Variants in BABAM2 observed in about 807,000 individuals in gnomAD.
BABAM2 encodes the protein BRISC and BRCA1 A complex member 2, also known as BRISC and BRCA1-A complex member 2.
In BABAM2, 31 loss-of-function variants were observed where a neutral mutation model predicts 54.7. The ratio of observed to expected loss-of-function variants is 0.57; its 90% CI spans 0.43 to 0.77. BABAM2 has a LOEUF of 0.77. Ranked by LOEUF, BABAM2 falls within the 30% of genes least tolerant of loss-of-function variation. BABAM2 has a pLI of 0.00. For missense variants in BABAM2, 364 were observed against 455.8 expected (o/e 0.80, Z 1.83); for synonymous variants, 167 against 162.9 (o/e 1.03, Z -0.19).
intron 10 of BABAM2, among the ~76,000 whole-genome samples, chr2:28,286,549 C>A (rs1440501066): frequency 6.6e-6 from 1 of 152,176 alleles, no homozygotes; most frequent in African/African-American, 2.4e-5. Flanking sequence ...TCTACGGTGA[C>A]TGCTTAATAC....
intron 6 of BABAM2, among the ~76,000 whole-genome samples, chr2:28,121,761 T>C (rs1558357252): frequency 6.6e-6 from 1 of 152,158 alleles, no homozygotes; most frequent in African/African-American, 2.4e-5. Context: ...TGAATGGTAG[T>C]ACCCTAAGAG....
chr2:28,026,894 A>ATT (rs1385298707), intron 5 of BABAM2, among the ~76,000 whole-genome samples: 2 of 24,460 alleles, frequency 8.2e-5, no homozygotes, highest in African/African-American at 1.3e-4. Flanking sequence ...ATAGATATAT[A>ATT]TAAATATATA....
intron 7 of BABAM2, among the ~76,000 whole-genome samples, chr2:28,153,530 C>T (rs1317070389): frequency 1.3e-5 from 2 of 152,172 alleles, no homozygotes; most frequent in East Asian, 1.9e-4. Context: ...ATACATTACA[C>T]TTGGTATTGC....
In BABAM2 at chr2:28,009,470, C is replaced by T. The variant is rs1439025414; in HGVS notation, c.301-15756C>T. On this transcript the variant is annotated intron_variant, in intron 4 of 11. Transcript: ENST00000379624. ...ATAAAAAGAAACCTAGTCTGTTTGA[C>T]GATGAGTTGATGGCAGTCGAAATTG... 3.9e-5 allele frequency among the ~76,000 whole-genome samples: 6 copies of T among 152,158 alleles called. No individual in the cohort carries two copies. In the South Asian group the frequency reaches 8.3e-4, roughly 21 times the overall value.
intron 2 of BABAM2, among the ~76,000 whole-genome samples, chr2:27,897,639 GT>G (rs921081988): frequency 6.6e-6 from 1 of 150,406 alleles, no homozygotes; most frequent in East Asian, 1.9e-4. Flanking sequence ...ACTTTTTAGG[GT>G]TTTTTTTTGT....
chr2:27,906,311 A>G (rs1278779187), intron 2 of BABAM2, among the ~76,000 whole-genome samples: 3 of 152,240 alleles, frequency 2.0e-5, no homozygotes, highest in African/African-American at 7.2e-5. Context: ...AGAAGGAAAC[A>G]CAGGTTCCTC....
intron 6 of BABAM2, among the ~76,000 whole-genome samples, chr2:28,092,733 T>A (rs1409110161): frequency 1.4e-5 from 2 of 143,266 alleles, no homozygotes; most frequent in Non-Finnish European, 3.0e-5. Context: ...CCAAGTCCTC[T>A]CTCCCTTCGT....
At chr2:28,241,221 C>A (rs1682398790) in intron 8 of BABAM2, 102 bp from the exon 9 acceptor site, 2 of 1,139,826 alleles carry the variant, frequency 1.8e-6, no homozygotes, top group South Asian at 2.6e-5. Context: ...TACCGGTGTT[C>A]ACTTTACTAT....
intron 5 of BABAM2, among the ~76,000 whole-genome samples, chr2:28,038,541 C>T (rs1676829765): frequency 6.6e-6 from 1 of 152,116 alleles, no homozygotes; most frequent in South Asian, 2.1e-4. Context: ...TCTTTCCTCC[C>T]TCCTTCTGGA....
chr2:28,336,596 A>G (rs1691487093), intron 11 of BABAM2, among the ~76,000 whole-genome samples: 1 of 152,204 alleles, frequency 6.6e-6, no homozygotes, highest in Non-Finnish European at 1.5e-5. Flanking sequence ...CTGTGGCACC[A>G]CATGTCACAG....
chr2:28,000,959 C>T (rs936934279), intron 4 of BABAM2, among the ~76,000 whole-genome samples: 7 of 152,034 alleles, frequency 4.6e-5, no homozygotes, highest in African/African-American at 1.5e-4. Flanking sequence ...TTGTCAGTTT[C>T]CTGCTCCAGT....
intron 6 of BABAM2, among the ~76,000 whole-genome samples, chr2:28,096,312 G>T (rs531613415): frequency 4.0e-5 from 6 of 151,498 alleles, no homozygotes; most frequent in Non-Finnish European, 5.9e-5. Flanking sequence ...GAAACCTATT[G>T]TCATACATTT....
At chr2:28,114,998 T>C (rs1668486507) in intron 6 of BABAM2, among the ~76,000 whole-genome samples, 2 of 152,168 alleles carry the variant, frequency 1.3e-5, no homozygotes, top group African/African-American at 4.8e-5. Flanking sequence ...CATACATTTG[T>C]TTTTCAGATA....
rs145476479 is a variant in BABAM2 at position 28,338,594 on chromosome 2, G to A, written c.*81G>A. The A allele has an allele frequency of 6.6e-6, 10 of 1,509,562 alleles. No individual in the cohort carries two copies. The highest frequency in any genetic ancestry group is 1.7e-5 in the Admixed American group (1 of 59,502). The allele number at this position is 1,509,562 out of a possible 1,614,324, so 93.5% of individuals were successfully genotyped here. A position where few individuals can be genotyped will look rare whatever the true frequency, so the allele number is the denominator to read the frequency against. ...CACATACAGCCGCTTCCTGGAAGCC[G>A]CCTGGAATGTCTTCACGGCAGCGTT... On this transcript the variant is annotated 3_prime_UTR_variant, in exon 12 of 12. Transcript: ENST00000379624.
At chr2:28,228,162 T>C (rs1165407065) in intron 7 of BABAM2, among the ~76,000 whole-genome samples, 1 of 152,220 alleles carries the variant, frequency 6.6e-6, no homozygotes, top group Non-Finnish European at 1.5e-5. Context: ...TTCATTTTCA[T>C]GTGGAGGTCA....
chr2:28,003,669 G>A (rs1032178279), intron 4 of BABAM2, among the ~76,000 whole-genome samples: 4 of 152,138 alleles, frequency 2.6e-5, no homozygotes, highest in African/African-American at 9.7e-5. Context: ...GAACATGGGC[G>A]AGACAGATCT....
intron 11 of BABAM2, among the ~76,000 whole-genome samples, chr2:28,338,057 G>A (rs1428123851): frequency 1.3e-5 from 2 of 152,180 alleles, no homozygotes; most frequent in African/African-American, 4.8e-5. Context: ...GTCCAACTGA[G>A]TGGAAAATGC....
chr2:28,100,621 A>G (rs1667004093), intron 6 of BABAM2, among the ~76,000 whole-genome samples: 1 of 152,156 alleles, frequency 6.6e-6, no homozygotes, highest in Admixed American at 6.5e-5. Context: ...TGATTTCAGT[A>G]CATGTAACTA....
intron 3 of BABAM2, among the ~76,000 whole-genome samples, chr2:27,951,837 C>T (rs113708133): frequency 0.015 from 2,291 of 152,246 alleles, 25 homozygotes; most frequent in Middle Eastern, 0.034. Flanking sequence ...TATTTGTAGT[C>T]TTTTATCCCT....
Sources: gnomAD v4.1 joint callset for allele counts (sites outside exome capture counted in the v4.1 genomes callset) on GRCh38, gnomAD v4.1.1 for gene constraint, MANE v1.5 for transcripts, NCBI Gene and HGNC (gene_info 2026-07-23, HGNC 2026-07-21) for gene names.